The following PHYH variants were observed in gnomAD, a reference collection of about 807,000 sequenced individuals.
PHYH encodes the protein phytanoyl-CoA dioxygenase, peroxisomal.
In PHYH, 32 loss-of-function variants were observed where a neutral mutation model predicts 38.5. The ratio of observed to expected loss-of-function variants is 0.83; its 90% CI spans 0.63 to 1.12. PHYH has a LOEUF of 1.12. PHYH is among the 50% of genes most tolerant of loss of function. The pLI, the probability that PHYH is intolerant of heterozygous loss-of-function variation, is 0.00. For synonymous variants in PHYH, 166 were observed against 157.9 expected, an observed-to-expected ratio of 1.05 and a Z score of -0.38; for missense variants, 426 against 434.8, an observed-to-expected ratio of 0.98 and a Z score of 0.18.
rs1835334905 is a variant in PHYH, at chr10:13,278,272, T to C, written c.*29A>G. On this transcript the variant is annotated 3_prime_UTR_variant, in exon 9 of 9. Coordinates refer to ENST00000263038, the MANE Select transcript of PHYH (RefSeq NM_006214.4). ...GACATTTCGTTTGGTTTTGGTTTTC[T>C]GTTGAAAGAGTTATAGCAGATGGCT... 1.3e-6 allele frequency: 2 copies of C among 1,542,772 alleles called. No homozygotes were observed. Among genetic ancestry groups the C allele is most frequent in the African/African-American group, 2.7e-5 (2 of 73,690 alleles).
intron 1 of PHYH, 97 bp from the exon 2 acceptor site, chr10:13,298,342 G>A (rs1276437188): frequency 2.9e-5 from 21 of 716,178 alleles, no homozygotes; most frequent in Non-Finnish European, 4.3e-5. Flanking sequence ...TGAGGCAGGA[G>A]GATTACTTGA....
At chr10:13,294,937 TAAC>T (rs1348913760) in intron 3 of PHYH, 58 of 367,452 alleles carry the variant, frequency 1.6e-4, no homozygotes, top group South Asian at 1.3e-3. Context: ...TTAGTCCTAA[TAAC>T]AACACTAGGA....
At chr10:13,288,643 G>C (rs548597860) in intron 5 of PHYH, 102 bp from the exon 6 acceptor site, 1 of 1,174,582 alleles carries the variant, frequency 8.5e-7, no homozygotes, top group Admixed American at 1.8e-5. Flanking sequence ...CCCAAAGTGG[G>C]AGGCTGAGGC....
chr10:13,287,583 T>C (rs1194069085), intron 6 of PHYH, among the ~76,000 whole-genome samples: 3 of 152,154 alleles, frequency 2.0e-5, no homozygotes, highest in African/African-American at 7.2e-5. Context: ...TTTGGTCAAG[T>C]TCAGGCTTGC....
In PHYH at chr10:13,297,482, C is replaced by A. The variant is rs1228615048; in HGVS notation, c.134+705G>T. ...TTTGTTTTGTTTTTTGAGATGGAGTCTGGCTCTATCACCCAGGCTGGAGTT... is the reference window on the plus strand; with the variant it reads ...TTTGTTTTGTTTTTTGAGATGGAGTATGGCTCTATCACCCAGGCTGGAGTT... On this transcript the variant is annotated intron_variant, in intron 2 of 8. Transcript: ENST00000263038. Among the ~76,000 whole-genome samples the A allele has an allele frequency of 3.9e-5, 6 of 152,104 alleles. No homozygotes were observed. The East Asian group carries it at 9.7e-4, about 25-fold the overall frequency.
At chr10:13,299,706 C>A in intron 1 of PHYH, 1 of 1,289,452 alleles carries the variant, frequency 7.8e-7, no homozygotes. Context: ...GAGCAGAGGC[C>A]CCCAGGGATC....
rs34571629 is a variant in PHYH at position 13,294,486 on chromosome 10, G to A, written c.356C>T (p.Thr119Met). The part of the protein sequence containing the change: ...SEYAPSEKMI[T>M]KVQDFQEDKE... The stretch of plus-strand genomic sequence containing the variant: ...ATCTTCCTGGAAATCCTGGACCTTC[G>A]TGATCATCTTCTCACTTGGAGCATA... The change falls in exon 4 of 9, where the codon ACG becomes ATG. Residue 119 changes from threonine (T) to methionine (M), a missense_variant. Physicochemically the swap from Thr to Met is moderately conservative, Grantham distance 81. Coordinates refer to ENST00000263038, the MANE Select transcript of PHYH (RefSeq NM_006214.4). The A allele has an allele frequency of 2.3e-3, 3,647 of 1,614,064 alleles. 10 individuals carry two copies. Among genetic ancestry groups the A allele is most frequent in the Non-Finnish European group, 2.9e-3 (3,408 of 1,179,936 alleles).
intron 6 of PHYH, among the ~76,000 whole-genome samples, chr10:13,285,393 A>G (rs371042370): frequency 3.9e-5 from 6 of 152,112 alleles, no homozygotes; most frequent in Admixed American, 3.3e-4. Context: ...TATCTTGGCC[A>G]TGCTGGTCTC....
In PHYH at chr10:13,295,340, A is replaced by G. The variant is rs1333193627; in HGVS notation, c.245+156T>C. On this transcript the variant is annotated intron_variant, in intron 3 of 8. Coordinates refer to ENST00000263038, the MANE Select transcript of PHYH (RefSeq NM_006214.4). ...GAGAACCTTTCTCTATAAAAAATAA[A>G]AAGCCAGTCTGGCACCAGAGCCCAT... The G allele has an allele frequency of 8.2e-6, 5 of 612,682 alleles. No individual in the cohort carries two copies. The East Asian group carries it at 1.4e-4, about 17-fold the overall frequency. The allele number at this position is 612,682 out of a possible 1,614,324, so 38.0% of individuals were successfully genotyped here. A position where few individuals can be genotyped will look rare whatever the true frequency, so the allele number is the denominator to read the frequency against.
At chr10:13,285,446 A>G (rs1167322201) in intron 6 of PHYH, among the ~76,000 whole-genome samples, 1 of 152,112 alleles carries the variant, frequency 6.6e-6, no homozygotes, top group Non-Finnish European at 1.5e-5. Context: ...GGCCTCCCAA[A>G]GTGTTAAGAT....
intron 6 of PHYH, among the ~76,000 whole-genome samples, chr10:13,284,638 C>T (rs1835501199): frequency 6.6e-6 from 1 of 152,142 alleles, no homozygotes; most frequent in Non-Finnish European, 1.5e-5. Flanking sequence ...CTCAATTTTT[C>T]TGAGCTCAAA....
At chr10:13,280,942 G>C in intron 8 of PHYH, 34 bp downstream of exon 8, 1 of 1,604,526 alleles carries the variant, frequency 6.2e-7, no homozygotes, top group South Asian at 1.1e-5. Flanking sequence ...AGAAAAACCT[G>C]AGATTTTTAC....
intron 5 of PHYH, among the ~76,000 whole-genome samples, chr10:13,289,988 G>T (rs1036169054): frequency 1.5e-4 from 22 of 148,640 alleles, no homozygotes; most frequent in African/African-American, 5.2e-4. Context: ...CACAAAACAG[G>T]ACGGGCACGG....
In PHYH at chr10:13,283,809, G is replaced by A. The variant is rs1835477286; in HGVS notation, c.709C>T (p.Gln237Ter). ...CGGGCCTTGTTTTCCTCGTAGTCCT[G>A]GATCCCGTGGAACATTTTGTTAACT... ...GGVNKMFHGI[Q>*]DYEENKARVH... Residue 237 changes from glutamine (Q) to a stop codon, truncating the protein, a stop_gained, in exon 7 of 9, where the codon CAG becomes TAG. Transcript: ENST00000263038. LOFTEE classifies it high-confidence loss of function. 3 of 1,613,840 alleles carry A rather than the reference G, an allele frequency of 1.9e-6. No homozygotes were observed. The highest frequency in any genetic ancestry group is 1.3e-5 in the African/African-American group (1 of 74,864).
intron 5 of PHYH, 53 bp from the exon 6 acceptor site, chr10:13,288,594 A>C: frequency 6.5e-7 from 1 of 1,543,896 alleles, no homozygotes; most frequent in Non-Finnish European, 8.9e-7. Flanking sequence ...GCAGTGGCTC[A>C]CGCCTGTAAC....
intron 8 of PHYH, among the ~76,000 whole-genome samples, chr10:13,280,059 C>T (rs534839125): frequency 6.7e-4 from 101 of 151,732 alleles, no homozygotes; most frequent in African/African-American, 2.3e-3. Flanking sequence ...AGCTCCGCCT[C>T]CTGGGTTCAC....
rs75813767 is a variant in PHYH at position 13,292,542 on chromosome 10, G to A, written c.415-630C>T. ...GAAGAAAAGGCTAACATGGGGAACC[G>A]TGACAGGGAGAGCTGGTTTAGTCGT... On this transcript the variant is annotated intron_variant, in intron 4 of 8. Transcript: ENST00000263038. 6.7e-3 allele frequency among the ~76,000 whole-genome samples: 1,026 copies of A among 152,298 alleles called. 14 individuals are homozygous for A. The highest frequency in any genetic ancestry group is 0.023 in the African/African-American group (967 of 41,558).
intron 3 of PHYH, 98 bp downstream of exon 3, chr10:13,295,398 T>TA (rs1564428400): frequency 2.7e-6 from 2 of 752,956 alleles, no homozygotes; most frequent in Non-Finnish European, 2.4e-6. Context: ...ACCAAATCAT[T>TA]AAAAAACATC....
At chr10:13,285,229 G>A (rs1421883773) in intron 6 of PHYH, among the ~76,000 whole-genome samples, 1 of 152,054 alleles carries the variant, frequency 6.6e-6, no homozygotes, top group Non-Finnish European at 1.5e-5. Context: ...TGTCGCCCAG[G>A]CTGGAGTGCA....
Sources: allele counts gnomAD v4.1 joint callset (sites outside exome capture counted in the v4.1 genomes callset), GRCh38; gene constraint gnomAD v4.1.1; transcripts MANE v1.5; gene names NCBI Gene and HGNC (gene_info 2026-07-23, HGNC 2026-07-21).